The following CASP5 variants were observed in gnomAD, a reference collection of about 807,000 sequenced individuals.
The protein encoded by CASP5 is caspase-5.
A neutral mutation model predicts 45.2 loss-of-function variants in CASP5; 42 were observed. The observed-to-expected ratio is 0.93, with a 90% CI of 0.73 to 1.20. The LOEUF (loss-of-function observed/expected upper bound fraction) is 1.20. CASP5 is among the 50% of genes most tolerant of loss of function. The probability of loss-of-function intolerance (pLI) is 0.00; values close to 1 mark genes in which losing one functional copy is unlikely to be tolerated. For synonymous variants in CASP5, 209 were observed against 186.2 expected (o/e 1.12, Z -1.00); for missense variants, 512 against 532.2 (o/e 0.96, Z 0.37).
At chr11:105,013,661 T>G (rs1862456537) in intron 1 of CASP5, among the ~76,000 whole-genome samples, 1 of 152,098 alleles carries the variant, frequency 6.6e-6, no homozygotes, top group Non-Finnish European at 1.5e-5. Context: ...TGACTCAAAT[T>G]TATGGATCAG....
chr11:105,005,348 A>G (rs574230877), intron 3 of CASP5, among the ~76,000 whole-genome samples: 75 of 123,012 alleles, frequency 6.1e-4, no homozygotes, highest in Admixed American at 1.6e-3. Context: ...TATAGTGTGT[A>G]TATATATATG....
intron 5 of CASP5, 136 bp from the exon 6 acceptor site, chr11:105,000,631 G>T: frequency 1.3e-6 from 1 of 754,050 alleles, no homozygotes; most frequent in Non-Finnish European, 2.1e-6. Context: ...ACTCAGTCAT[G>T]ACAGCAGTTT....
At chr11:105,019,356 T>C (rs1862816266) in intron 1 of CASP5, among the ~76,000 whole-genome samples, 2 of 149,364 alleles carry the variant, frequency 1.3e-5, no homozygotes, top group Admixed American at 1.4e-4. Context: ...AAAAAATTAA[T>C]GAATCCAGGA....
At chr11:105,021,150 A>G (rs1249893291) in intron 1 of CASP5, among the ~76,000 whole-genome samples, 1 of 151,552 alleles carries the variant, frequency 6.6e-6, no homozygotes, top group Non-Finnish European at 1.5e-5. Context: ...CCTTATACAA[A>G]AATTAATTCA....
chr11:104,999,404 C>G (rs45537133), intron 6 of CASP5, among the ~76,000 whole-genome samples: 75 of 152,284 alleles, frequency 4.9e-4, no homozygotes, highest in African/African-American at 1.8e-3. Flanking sequence ...TAGGGCTACA[C>G]AGTATTCCAT....
intron 5 of CASP5, among the ~76,000 whole-genome samples, chr11:105,001,075 A>T (rs1861701935): frequency 6.6e-6 from 1 of 152,062 alleles, no homozygotes; most frequent in Non-Finnish European, 1.5e-5. Context: ...GTGCCGTCCA[A>T]CTCCTGTGTT....
chr11:104,994,897 A>G (rs1676231378), intron 9 of CASP5, among the ~76,000 whole-genome samples: 1 of 152,180 alleles, frequency 6.6e-6, no homozygotes, highest in South Asian at 2.1e-4. Flanking sequence ...TTGAGCATGT[A>G]TTTTCTACAG....
At chr11:105,009,785 ATACACACG>A (rs1862211296) in intron 1 of CASP5, among the ~76,000 whole-genome samples, 3 of 121,238 alleles carry the variant, frequency 2.5e-5, no homozygotes, top group Admixed American at 8.1e-5. Flanking sequence ...ATATATATAT[ATACACACG>A]TATATATATA....
rs895296629 is a variant in CASP5, at chr11:105,015,767, T to A, written c.8-6787A>T. On this transcript the variant is annotated intron_variant, in intron 1 of 9. Transcript: ENST00000260315. The stretch of plus-strand genomic sequence containing the variant: ...ATAAAATAGACAAAAAAAAAAAAAA[T>A]TTAAAAGCAAGCAATTCCTGCATTT... Among the ~76,000 whole-genome samples the A allele has an allele frequency of 1.6e-4, 23 of 146,856 alleles. No individual in the cohort carries two copies. In the East Asian group the frequency reaches 1.9e-3, roughly 12 times the overall value.
chr11:104,997,383 C>T lies in CASP5; in HGVS notation c.1206G>A (p.Lys402=). ...ACTAGAAAAGGAAATGGAAGCTTAC[C>T]TTCCGAAATATTTCCATTAGGTGGC... ...CCCHLMEIFR[K]VQKSFEVPQA... is the part of the protein sequence containing the mutation. The change falls in exon 8 of 10, where the codon AAG becomes AAA. Residue 402 remains lysine (K), a splice_region_variant and synonymous_variant. Coordinates refer to ENST00000260315, the MANE Select transcript of CASP5 (RefSeq NM_004347.5). The T allele has an allele frequency of 6.3e-7, 1 of 1,587,474 alleles. No homozygotes were observed. The highest frequency in any genetic ancestry group is 1.3e-5 in the African/African-American group (1 of 74,506).
At chr11:105,019,185 T>C (rs1266641965) in intron 1 of CASP5, among the ~76,000 whole-genome samples, 13 of 151,000 alleles carry the variant, frequency 8.6e-5, no homozygotes, top group African/African-American at 3.2e-4. Flanking sequence ...TAGCACTAAA[T>C]GCCCACAAGA....
At chr11:105,017,924 C>T (rs1862718165) in intron 1 of CASP5, among the ~76,000 whole-genome samples, 1 of 152,148 alleles carries the variant, frequency 6.6e-6, no homozygotes, top group Non-Finnish European at 1.5e-5. Flanking sequence ...AGGTTACCCT[C>T]AAAGAGAAGC....
At chr11:105,011,399 G>C (rs55768924) in intron 1 of CASP5, among the ~76,000 whole-genome samples, 9,061 of 151,710 alleles carry the variant, frequency 0.06, 279 homozygotes, top group African/African-American at 0.073. Context: ...ATTAGGAAGA[G>C]GACAAACACA....
chr11:105,000,330 A>C lies in CASP5; in HGVS notation c.883T>G (p.Phe295Val), dbSNP rs761058198. 6.2e-7 allele frequency: 1 copy of C among 1,614,214 alleles called. No homozygotes were observed. The highest frequency in any genetic ancestry group is 8.5e-7 in the Non-Finnish European group (1 of 1,180,028). The change falls in exon 6 of 10, where the codon TTC becomes GTC. Residue 295 changes from phenylalanine (F) to valine (V), a missense_variant. Transcript: ENST00000260315. Reference protein sequence around the residue: ...VLLYDTIFQIFNNRNCLSLKD... With the variant: ...VLLYDTIFQIVNNRNCLSLKD... ...AGACTGAGGCAGTTGCGGTTGTTGA[A>C]TATCTGGAAGATGGTGTCATAAAGC...
At chr11:105,000,796 C>T (rs570271015) in intron 5 of CASP5, among the ~76,000 whole-genome samples, 1 of 151,936 alleles carries the variant, frequency 6.6e-6, no homozygotes, top group African/African-American at 2.4e-5. Flanking sequence ...CTTTTCTCTC[C>T]TTTCCTAACA....
intron 1 of CASP5, among the ~76,000 whole-genome samples, chr11:105,017,026 G>A (rs1235920582): frequency 6.6e-6 from 1 of 151,602 alleles, no homozygotes; most frequent in Non-Finnish European, 1.5e-5. Context: ...CTAACTGGGA[G>A]GCACCCCCCA....
intron 1 of CASP5, among the ~76,000 whole-genome samples, chr11:105,020,988 C>T (rs933025583): frequency 6.6e-6 from 1 of 151,856 alleles, no homozygotes; most frequent in African/African-American, 2.4e-5. Context: ...AGAACAGAGC[C>T]CTCAGAAATA....
chr11:105,019,857 AG>A (rs1425085990), intron 1 of CASP5, among the ~76,000 whole-genome samples: 29 of 145,528 alleles, frequency 2.0e-4, no homozygotes, highest in African/African-American at 7.0e-4. Flanking sequence ...CAACCAAAAA[AG>A]AGAATTTTAG....
intron 1 of CASP5, 60 bp from the exon 2 acceptor site, chr11:105,009,040 C>T: frequency 6.6e-7 from 1 of 1,515,410 alleles, no homozygotes; most frequent in Admixed American, 1.8e-5. Flanking sequence ...TTTGCCCTTG[C>T]TTTAGACAAA....
Sources: allele counts gnomAD v4.1 joint callset (sites outside exome capture counted in the v4.1 genomes callset), GRCh38; gene constraint gnomAD v4.1.1; transcripts MANE v1.5; gene names NCBI Gene and HGNC (gene_info 2026-07-23, HGNC 2026-07-21).